Variants in FARP1 observed in about 807,000 individuals in gnomAD.
FARP1 encodes the protein FERM, ARH/RhoGEF and pleckstrin domain protein 1.
FARP1 carries 52 observed loss-of-function variants against 128.8 expected under a neutral mutation model. The ratio of observed to expected loss-of-function variants is 0.40; its 90% CI spans 0.32 to 0.51. The LOEUF (loss-of-function observed/expected upper bound fraction) is 0.51. Among genes scored for constraint, FARP1 ranks in the 20% least tolerant of loss-of-function variants. The pLI, the probability that FARP1 is intolerant of heterozygous loss-of-function variation, is 0.45. For synonymous variants in FARP1, 580 were observed against 551.8 expected (o/e 1.05, Z -0.72); for missense variants, 1,333 against 1,367.9 (o/e 0.97, Z 0.40).
At chr13:98,185,299 G>A (rs891920219) in intron 1 of FARP1, among the ~76,000 whole-genome samples, 5 of 152,090 alleles carry the variant, frequency 3.3e-5, no homozygotes, top group African/African-American at 7.2e-5. Context: ...GCAGTATACC[G>A]CTGGAAAGAG....
At chr13:98,193,537 T>C (rs1879377874) in intron 1 of FARP1, among the ~76,000 whole-genome samples, 1 of 152,220 alleles carries the variant, frequency 6.6e-6, no homozygotes, top group African/African-American at 2.4e-5. Flanking sequence ...TATCCAAAAA[T>C]AGGGCTTGCA....
chr13:98,348,990 C>T (rs888075234), intron 3 of FARP1, among the ~76,000 whole-genome samples: 8 of 152,214 alleles, frequency 5.3e-5, no homozygotes, highest in African/African-American at 1.7e-4. Flanking sequence ...TTCTGTATGT[C>T]GCATGTGGCT....
At chr13:98,254,682 A>G (rs1336289246) in intron 2 of FARP1, among the ~76,000 whole-genome samples, 1 of 152,226 alleles carries the variant, frequency 6.6e-6, no homozygotes, top group Non-Finnish European at 1.5e-5. Flanking sequence ...TAGCCTAGCC[A>G]TGAATTCACA....
chr13:98,217,583 C>T (rs1331292590), intron 2 of FARP1, among the ~76,000 whole-genome samples: 12 of 152,156 alleles, frequency 7.9e-5, no homozygotes, highest in African/African-American at 2.7e-4. Flanking sequence ...GTGTGGGCTT[C>T]GTAGCTCGGG....
intron 2 of FARP1, among the ~76,000 whole-genome samples, chr13:98,308,580 A>G (rs1843287423): frequency 1.3e-5 from 2 of 152,228 alleles, no homozygotes; most frequent in Admixed American, 6.5e-5. Flanking sequence ...TGCCTGAGAC[A>G]CACTCAATTT....
intron 2 of FARP1, among the ~76,000 whole-genome samples, chr13:98,284,465 A>G (rs1220007384): frequency 6.6e-6 from 1 of 152,172 alleles, no homozygotes; most frequent in Non-Finnish European, 1.5e-5. Context: ...GTGTTCCCCC[A>G]ACCCGAGAGC....
chr13:98,316,216 C>T (rs901166528), intron 2 of FARP1, among the ~76,000 whole-genome samples: 1 of 152,132 alleles, frequency 6.6e-6, no homozygotes, highest in Non-Finnish European at 1.5e-5. Flanking sequence ...TTGGCTCGAA[C>T]CAGCTGTCCC....
chr13:98,392,323 C>CAAAAAAAAAAAAAAAAAAAAAAAAAAAA (rs11289484), intron 11 of FARP1, among the ~76,000 whole-genome samples: 2 of 60,410 alleles, frequency 3.3e-5, no homozygotes, highest in African/African-American at 1.3e-4. Context: ...CATCTCTACC[C>CAAAAAAAAAAAAAAAAAAAAAAAAAAAA]AAAAAAAAAA....
Position 98,149,729 on chromosome 13 carries a change from CTTTTTTTTTTTT to C in FARP1, c.-24+6252_-24+6263del, listed in dbSNP as rs71120307. 1.3e-4 allele frequency among the ~76,000 whole-genome samples: 7 copies of C among 52,382 alleles called. No homozygotes were observed. In the East Asian group the frequency reaches 2.4e-3, roughly 18 times the overall value. The allele number at this position is 52,382 out of a possible 152,430, so 34.4% of individuals were successfully genotyped here. ...TTTGTGAGTGTCTGTTAGATATTTA[CTTTTTTTTTTTT>C]TTTTTTTTTTTTTTGAGACGGAGTC... On this transcript the variant is annotated intron_variant, in intron 1 of 26. Coordinates refer to ENST00000319562, the MANE Select transcript of FARP1 (RefSeq NM_005766.4).
chr13:98,271,293 C>T (rs1156913673), intron 2 of FARP1, among the ~76,000 whole-genome samples: 3 of 152,150 alleles, frequency 2.0e-5, no homozygotes. Flanking sequence ...ACGGTGACGA[C>T]TTTTTTCCAA....
At position 98,449,468 on chromosome 13, in the gene FARP1, G is replaced by C. The variant is rs1355355377; in HGVS notation, c.*1151G>C. The C allele has an allele frequency of 1.3e-5, 2 of 152,198 alleles. No homozygotes were observed. The highest frequency in any genetic ancestry group is 3.9e-4 in the East Asian group (2 of 5,190). 9.4% of individuals were successfully genotyped at this position (152,198 alleles called of 1,614,324 possible). On this transcript the variant is annotated 3_prime_UTR_variant, in exon 27 of 27. Transcript: ENST00000319562. ...GTGATGGGGTGGCTGCCATTCCCTTGGTTTTCCTAAGCCCTTTCTAACGAG... is the reference window on the plus strand; with the variant it reads ...GTGATGGGGTGGCTGCCATTCCCTTCGTTTTCCTAAGCCCTTTCTAACGAG...
At chr13:98,346,700 G>A (rs1183543244) in intron 3 of FARP1, among the ~76,000 whole-genome samples, 3 of 152,056 alleles carry the variant, frequency 2.0e-5, no homozygotes, top group Admixed American at 6.5e-5. Flanking sequence ...AGCTGAGATC[G>A]TTCCACTGCA....
intron 16 of FARP1, among the ~76,000 whole-genome samples, chr13:98,419,509 C>CACACACACAT (rs1331191364): frequency 6.6e-6 from 1 of 151,558 alleles, no homozygotes; most frequent in East Asian, 1.9e-4. Flanking sequence ...CACACACACA[C>CACACACACAT]ACACACACTC....
chr13:98,379,209 TATATA>T (rs1419239899), intron 6 of FARP1, among the ~76,000 whole-genome samples: 2 of 120,866 alleles, frequency 1.7e-5, no homozygotes, highest in Admixed American at 2.4e-4. Context: ...ATATATATAA[TATATA>T]ATATATAATC....
intron 17 of FARP1, among the ~76,000 whole-genome samples, chr13:98,427,069 C>T (rs12585050): frequency 0.18 from 27,573 of 151,844 alleles, 3,250 homozygotes; most frequent in East Asian, 0.44. Context: ...CCATTAGGGC[C>T]CCCTCTTGGT....
At chr13:98,336,189 A>T (rs1887734877) in intron 2 of FARP1, among the ~76,000 whole-genome samples, 1 of 152,196 alleles carries the variant, frequency 6.6e-6, no homozygotes, top group Admixed American at 6.5e-5. Context: ...CTCCTGCTTA[A>T]AACTTTGTTA....
At chr13:98,205,400 T>G (rs901162235) in intron 1 of FARP1, among the ~76,000 whole-genome samples, 8 of 152,132 alleles carry the variant, frequency 5.3e-5, no homozygotes, top group African/African-American at 1.9e-4. Flanking sequence ...ATCAGTTCTC[T>G]GTGTTTTTTT....
At chr13:98,358,489 ATC>A (rs1888728795) in intron 3 of FARP1, among the ~76,000 whole-genome samples, 1 of 152,196 alleles carries the variant, frequency 6.6e-6, no homozygotes, top group African/African-American at 2.4e-5. Context: ...GGAAGTGAAA[ATC>A]TCTAGAAAGT....
At chr13:98,401,907 G>A (rs758481673) in intron 13 of FARP1, 5 of 152,202 alleles carry the variant, frequency 3.3e-5, no homozygotes, top group Non-Finnish European at 7.4e-5. Context: ...TGGTAGCCTC[G>A]AAACCAAGCC....
Sources: allele counts gnomAD v4.1 joint callset (sites outside exome capture counted in the v4.1 genomes callset), GRCh38; gene constraint gnomAD v4.1.1; transcripts MANE v1.5; gene names NCBI Gene and HGNC (gene_info 2026-07-23, HGNC 2026-07-21).